The following NAV3 variants were observed in gnomAD, a reference collection of about 807,000 sequenced individuals.
NAV3 encodes neuron navigator 3, also known as pore membrane and/or filament interacting like protein 1.
A neutral mutation model predicts 244.7 loss-of-function variants in NAV3; 87 were observed. That is an observed-to-expected ratio of 0.36 (90% CI 0.30 to 0.42). The LOEUF (loss-of-function observed/expected upper bound fraction) is 0.42, where lower values mean the gene tolerates loss of function less well. NAV3 is among the 20% of genes least tolerant of loss of function. The pLI is 1.00. For missense variants in NAV3, 2,663 were observed against 2,893.3 expected (o/e 0.92, Z 1.83); for synonymous variants, 1,126 against 1,042.2 (o/e 1.08, Z -1.55).
At chr12:78,163,042 C>G (rs1957631652) in intron 23 of NAV3, among the ~76,000 whole-genome samples, 1 of 149,516 alleles carries the variant, frequency 6.7e-6, no homozygotes, top group South Asian at 2.1e-4. Context: ...AATGAGGATA[C>G]TGAGAAGCTG....
At chr12:77,695,298 C>A (rs1348691424) in intron 2 of NAV3, among the ~76,000 whole-genome samples, 2 of 152,062 alleles carry the variant, frequency 1.3e-5, no homozygotes, top group Admixed American at 6.6e-5. Flanking sequence ...AGATTTAAAT[C>A]TTTAATCAAT....
intron 2 of NAV3, among the ~76,000 whole-genome samples, chr12:77,693,011 G>A (rs189881695): frequency 6.6e-6 from 1 of 152,000 alleles, no homozygotes; most frequent in Admixed American, 6.6e-5. Flanking sequence ...GGATAAAGAC[G>A]GGAACATTCC....
intron 1 of NAV3, among the ~76,000 whole-genome samples, chr12:77,902,222 G>T (rs1885384114): frequency 1.3e-5 from 2 of 152,126 alleles, no homozygotes; most frequent in Non-Finnish European, 2.9e-5. Flanking sequence ...GCCGGAAATT[G>T]GTTTCTAGAC....
intron 1 of NAV3, among the ~76,000 whole-genome samples, chr12:77,933,673 C>A (rs1236565399): frequency 6.6e-6 from 1 of 152,028 alleles, no homozygotes; most frequent in Non-Finnish European, 1.5e-5. Flanking sequence ...TATGATGTTA[C>A]CCAAAACTTT....
chr12:78,162,940 TTTATAAATATG>T (rs977406540), intron 23 of NAV3, among the ~76,000 whole-genome samples: 2 of 122,564 alleles, frequency 1.6e-5, no homozygotes, highest in Non-Finnish European at 3.3e-5. Context: ...AAATTACATA[TTTATAAATATG>T]TAATTTATAT....
chr12:77,623,778 A>G (rs1476576820), intron 2 of NAV3, among the ~76,000 whole-genome samples: 2 of 152,208 alleles, frequency 1.3e-5, no homozygotes, highest in Non-Finnish European at 2.9e-5. Context: ...CAACCTTTAA[A>G]TCGAGAGCAT....
At chr12:78,028,147 A>G (rs1052436649) in intron 9 of NAV3, among the ~76,000 whole-genome samples, 3 of 152,108 alleles carry the variant, frequency 2.0e-5, no homozygotes, top group African/African-American at 7.2e-5. Flanking sequence ...TTAATGAAAA[A>G]CAGAAAAACA....
chr12:78,205,215 C>T lies in NAV3; in HGVS notation c.7038+77C>T, dbSNP rs188753154. ...GTCATTAATATTTAGTTATTTCTAG[C>T]GAAGACATTTGTTATCCTAAGCAAC... is the stretch of plus-strand genomic sequence containing the variant. On this transcript the variant is annotated intron_variant, in intron 39 of 39. Transcript: ENST00000397909. 1.0e-4 allele frequency: 148 copies of T among 1,413,632 alleles called. No individual in the cohort carries two copies. In the East Asian group the frequency reaches 2.6e-3, roughly 25 times the overall value. 87.6% of individuals were successfully genotyped at this position (1,413,632 alleles called of 1,614,324 possible). A position where few individuals can be genotyped will look rare whatever the true frequency, so the allele number is the denominator to read the frequency against.
At chr12:77,668,150 G>A (rs893704658) in intron 2 of NAV3, among the ~76,000 whole-genome samples, 8 of 152,152 alleles carry the variant, frequency 5.3e-5, no homozygotes, top group Non-Finnish European at 1.0e-4. Flanking sequence ...CAGCCCTTGA[G>A]TTCTGGATCT....
chr12:78,051,296 TCCTC>T, intron 11 of NAV3, 149 bp downstream of exon 11: 3 of 785,210 alleles, frequency 3.8e-6, no homozygotes, highest in Non-Finnish European at 3.9e-6. Flanking sequence ...GAAGGGCCCT[TCCTC>T]TGCTCATTCA....
intron 22 of NAV3, among the ~76,000 whole-genome samples, chr12:78,153,109 CTT>C (rs1957139344): frequency 6.6e-6 from 1 of 151,918 alleles, no homozygotes; most frequent in Non-Finnish European, 1.5e-5. Context: ...CATATTTAAA[CTT>C]GGCATAATTA....
intron 5 of NAV3, 117 bp from the exon 6 acceptor site, chr12:77,994,686 A>G (rs2136398192): frequency 7.2e-6 from 5 of 698,384 alleles, no homozygotes; most frequent in Non-Finnish European, 1.2e-5. Context: ...TTCTTTATAC[A>G]TGTTTATACG....
At chr12:78,026,941 G>A (rs905296155) in intron 9 of NAV3, among the ~76,000 whole-genome samples, 2 of 152,142 alleles carry the variant, frequency 1.3e-5, no homozygotes, top group African/African-American at 2.4e-5. Context: ...AGGCACTCAG[G>A]AAATAATCAC....
At chr12:77,961,592 AAT>A (rs71088350) in intron 3 of NAV3, among the ~76,000 whole-genome samples, 218 of 137,394 alleles carry the variant, frequency 1.6e-3, no homozygotes, top group African/African-American at 5.5e-3. Context: ...ATGTATCTGT[AAT>A]ATATATATTT....
intron 2 of NAV3, among the ~76,000 whole-genome samples, chr12:77,773,825 T>G (rs894913087): frequency 6.6e-6 from 1 of 152,152 alleles, no homozygotes; most frequent in Non-Finnish European, 1.5e-5. Context: ...TATTTCCTAC[T>G]TTTTTAGGTC....
chr12:78,180,733 CATA>C, intron 29 of NAV3, 135 bp from the exon 30 acceptor site: 1 of 710,604 alleles, frequency 1.4e-6, no homozygotes, highest in Non-Finnish European at 2.2e-6. Context: ...AATCCTATTT[CATA>C]TCTTATATTT....
intron 1 of NAV3, among the ~76,000 whole-genome samples, chr12:77,873,016 C>A (rs950241549): frequency 1.1e-4 from 17 of 152,176 alleles, no homozygotes; most frequent in Non-Finnish European, 2.5e-4. Context: ...TTTTCCCATG[C>A]TATTCTCATG....
At chr12:77,912,798 G>T (rs1036081887) in intron 1 of NAV3, among the ~76,000 whole-genome samples, 1 of 149,758 alleles carries the variant, frequency 6.7e-6, no homozygotes, top group African/African-American at 2.4e-5. Flanking sequence ...TTTTACTAGA[G>T]ATGGGGTTTC....
rs367733543 is a variant in NAV3, at chr12:77,684,246, C to T, written c.72+111980C>T. ...CACATATACTCTTCTGAAGGGTTTG[C>T]CCAAGTCTTTTGCCCATTTTTAACT... On this transcript the variant is annotated intron_variant, in intron 2 of 8. Coordinates refer to the NAV3 transcript ENST00000550042. Among the ~76,000 whole-genome samples the T allele has an allele frequency of 1.4e-4, 21 of 148,844 alleles. No homozygotes were observed. In the South Asian group the frequency reaches 4.6e-3, roughly 32 times the overall value.
Sources: gnomAD v4.1 joint callset for allele counts (sites outside exome capture counted in the v4.1 genomes callset) on GRCh38, gnomAD v4.1.1 for gene constraint, MANE v1.5 for transcripts, NCBI Gene and HGNC (gene_info 2026-07-23, HGNC 2026-07-21) for gene names.